The following ZNRF3 variants were observed in gnomAD, a reference collection of about 807,000 sequenced individuals.
The protein encoded by ZNRF3 is E3 ubiquitin-protein ligase ZNRF3.
ZNRF3 carries 23 observed loss-of-function variants against 72.5 expected under a neutral mutation model. The ratio of observed to expected loss-of-function variants is 0.32; its 90% CI spans 0.23 to 0.45. The LOEUF (loss-of-function observed/expected upper bound fraction) is 0.45, where lower values mean the gene tolerates loss of function less well. Among genes scored for constraint, ZNRF3 ranks in the 20% least tolerant of loss-of-function variants. The pLI is 1.00. For missense variants in ZNRF3, 1,169 were observed against 1,272.1 expected, an observed-to-expected ratio of 0.92 and a Z score of 1.23; for synonymous variants, 610 against 545.3, an observed-to-expected ratio of 1.12 and a Z score of -1.65.
chr22:28,930,639 C>T (rs1233146728), intron 1 of ZNRF3, among the ~76,000 whole-genome samples: 3 of 152,196 alleles, frequency 2.0e-5, no homozygotes, highest in African/African-American at 7.2e-5. Flanking sequence ...ACACACAGGC[C>T]ACATAACAGG....
chr22:28,921,692 C>T (rs965241387), intron 1 of ZNRF3, among the ~76,000 whole-genome samples: 3 of 152,190 alleles, frequency 2.0e-5, no homozygotes, highest in African/African-American at 7.2e-5. Context: ...CAACAGCATG[C>T]CTTCTGAACT....
At position 29,039,365 on chromosome 22, in the gene ZNRF3, C is replaced by T. The variant is rs150295361; in HGVS notation, c.427-3130C>T. Among the ~76,000 whole-genome samples, 978 of 152,274 alleles carry T rather than the reference C, an allele frequency of 6.4e-3. 1 individual carries two copies. Among genetic ancestry groups the T allele is most frequent in the African/African-American group, 0.012 (512 of 41,552 alleles). ...CTCTCCAGGTGCACCTGCATCAAAGCGCACAGGTACCGCGCTCCTGATCTG... is the reference window on the plus strand; with the variant it reads ...CTCTCCAGGTGCACCTGCATCAAAGTGCACAGGTACCGCGCTCCTGATCTG... On this transcript the variant is annotated intron_variant, in intron 2 of 8. Coordinates refer to ENST00000544604, the MANE Select transcript of ZNRF3 (RefSeq NM_001206998.2).
intron 2 of ZNRF3, chr22:29,018,053 G>C (rs1381997426): frequency 1.9e-6 from 1 of 519,048 alleles, no homozygotes; most frequent in East Asian, 5.4e-5. Context: ...GGAGCATCTG[G>C]TGCTTGGAGG....
intron 1 of ZNRF3, among the ~76,000 whole-genome samples, chr22:28,933,722 CA>C (rs1213159157): frequency 0.079 from 2,817 of 35,660 alleles, 10 homozygotes; most frequent in Non-Finnish European, 0.088. Context: ...ACCCCCACCC[CA>C]CCCCCCCCAC....
At chr22:28,941,079 A>C (rs1397818315) in intron 1 of ZNRF3, among the ~76,000 whole-genome samples, 1 of 152,086 alleles carries the variant, frequency 6.6e-6, no homozygotes, top group Non-Finnish European at 1.5e-5. Context: ...CTCTCCTCAT[A>C]CTTTTATTTT....
intron 1 of ZNRF3, among the ~76,000 whole-genome samples, chr22:28,892,424 T>A (rs2033907014): frequency 6.6e-6 from 1 of 152,242 alleles, no homozygotes; most frequent in African/African-American, 2.4e-5. Flanking sequence ...TGTCTGTCAC[T>A]GTATGAGCAT....
At chr22:28,953,515 A>G (rs1271895250) in intron 1 of ZNRF3, among the ~76,000 whole-genome samples, 1 of 152,116 alleles carries the variant, frequency 6.6e-6, no homozygotes, top group African/African-American at 2.4e-5. Context: ...TTCTCCTCCA[A>G]GTGTTCTTGT....
At chr22:28,909,809 T>C (rs2034282874) in intron 1 of ZNRF3, among the ~76,000 whole-genome samples, 1 of 149,512 alleles carries the variant, frequency 6.7e-6, no homozygotes. Context: ...CTCAGGCTAG[T>C]TGCAAACTCC....
Position 29,053,566 on chromosome 22 carries a change from C to G in ZNRF3, c.2768-13C>G, listed in dbSNP as rs748717778. Reference sequence around the variant, plus strand: ...AGCTCCCTCCCCTGATGATTGTTCTCTCTCTTTCCCAGGACCGAGATCTCA... The same window carrying G: ...AGCTCCCTCCCCTGATGATTGTTCTGTCTCTTTCCCAGGACCGAGATCTCA... On this transcript the variant is annotated splice_polypyrimidine_tract_variant and intron_variant, in intron 8 of 8. Transcript: ENST00000544604. 1 of 1,609,808 alleles carries G rather than the reference C, an allele frequency of 6.2e-7. No homozygotes were observed. The highest frequency in any genetic ancestry group is 1.1e-5 in the South Asian group (1 of 90,368).
At chr22:28,972,437 A>G (rs569015368) in intron 1 of ZNRF3, among the ~76,000 whole-genome samples, 69 of 152,334 alleles carry the variant, frequency 4.5e-4, no homozygotes, top group Middle Eastern at 6.8e-3. Flanking sequence ...AGCATATATC[A>G]GTACTCTGTT....
At chr22:29,038,719 C>T (rs1269710570) in intron 2 of ZNRF3, among the ~76,000 whole-genome samples, 1 of 152,120 alleles carries the variant, frequency 6.6e-6, no homozygotes, top group Non-Finnish European at 1.5e-5. Flanking sequence ...AAATCCTAAG[C>T]TGGCTTCTGA....
In ZNRF3 at chr22:29,048,974, G is replaced by C. The variant is rs914965779; in HGVS notation, c.1016-223G>C. On this transcript the variant is annotated intron_variant, in intron 7 of 8. Coordinates refer to ENST00000544604, the MANE Select transcript of ZNRF3 (RefSeq NM_001206998.2). This position sits in a 1 kb window ranked among gnomAD's most constrained non-coding sequence, Gnocchi z 4.9. ...TGGTGCCCTGTCAGGCAGAGCAGTG[G>C]GGAGTTGGGAGCGGGGCCCTTACAG... Among the ~76,000 whole-genome samples the C allele has an allele frequency of 6.6e-6, 1 of 152,172 alleles. No individual in the cohort carries two copies. Among genetic ancestry groups the C allele is most frequent in the Non-Finnish European group, 1.5e-5 (1 of 68,034 alleles).
intron 1 of ZNRF3, among the ~76,000 whole-genome samples, chr22:28,907,821 C>T (rs1237795902): frequency 6.6e-6 from 1 of 152,190 alleles, no homozygotes; most frequent in African/African-American, 2.4e-5. Flanking sequence ...TGATTGGTAA[C>T]ATATTGAATC....
chr22:28,924,352 T>C (rs960530807), intron 1 of ZNRF3, among the ~76,000 whole-genome samples: 8 of 152,212 alleles, frequency 5.3e-5, no homozygotes, highest in Admixed American at 1.3e-4. Context: ...ATAGTCAGGC[T>C]TGTTCTCAAG....
chr22:28,956,335 G>A (rs2035260378), intron 1 of ZNRF3, among the ~76,000 whole-genome samples: 1 of 150,112 alleles, frequency 6.7e-6, no homozygotes, highest in African/African-American at 2.5e-5. Context: ...TTTTCCGAAT[G>A]GCCTTTGTTT....
chr22:29,040,306 A>C (rs559051620), intron 2 of ZNRF3, among the ~76,000 whole-genome samples: 61 of 151,778 alleles, frequency 4.0e-4, no homozygotes, highest in African/African-American at 1.4e-3. Flanking sequence ...CAGCCTCCCG[A>C]GTAACTGGGA....
rs1304442210 is a variant in ZNRF3 at position 29,057,063 on chromosome 22, A to T, written c.*3441A>T. 2 of 152,138 alleles carry T rather than the reference A, an allele frequency of 1.3e-5. No homozygotes were observed. Among genetic ancestry groups the T allele is most frequent in the African/African-American group, 2.4e-5 (1 of 41,428 alleles). 9.4% of individuals were successfully genotyped at this position (152,138 alleles called of 1,614,324 possible). A position where few individuals can be genotyped will look rare whatever the true frequency, so the allele number is the denominator to read the frequency against. The stretch of plus-strand genomic sequence containing the variant: ...CAAGGCACTATTTTAAAATTTTTTA[A>T]TTTTTCCCATAGCACTTAAAAGAGA... On this transcript the variant is annotated 3_prime_UTR_variant, in exon 9 of 9. Coordinates refer to ENST00000544604, the MANE Select transcript of ZNRF3 (RefSeq NM_001206998.2).
At chr22:29,037,128 G>A (rs776454528) in intron 2 of ZNRF3, among the ~76,000 whole-genome samples, 24 of 152,148 alleles carry the variant, frequency 1.6e-4, no homozygotes, top group Non-Finnish European at 2.1e-4. Context: ...GTAGGCACTA[G>A]GGATACCACA....
In ZNRF3 at chr22:28,960,178, G is replaced by C. The variant is rs561776220; in HGVS notation, c.301-26898G>C. Among the ~76,000 whole-genome samples the C allele has an allele frequency of 4.6e-5, 7 of 152,318 alleles. No individual in the cohort carries two copies. In the South Asian group the frequency reaches 1.4e-3, roughly 32 times the overall value. On this transcript the variant is annotated intron_variant, in intron 1 of 8. Coordinates refer to ENST00000544604, the MANE Select transcript of ZNRF3 (RefSeq NM_001206998.2). ...ACCTGGGAAGCATGTTAAAAAACCA[G>C]AGTCTGGGTCCCAACCCCAGAGATT...
Sources: allele counts gnomAD v4.1 joint callset (sites outside exome capture counted in the v4.1 genomes callset), GRCh38; gene constraint gnomAD v4.1.1; non-coding constraint Gnocchi (gnomAD v3.1); transcripts MANE v1.5; gene names NCBI Gene and HGNC (gene_info 2026-07-23, HGNC 2026-07-21).